The following MORN1 variants were observed in gnomAD, a reference collection of about 807,000 sequenced individuals.
MORN1 encodes MORN repeat-containing protein 1.
A neutral mutation model predicts 61.9 loss-of-function variants in MORN1; 67 were observed. The ratio of observed to expected loss-of-function variants is 1.08; its 90% CI spans 0.89 to 1.33. The LOEUF is 1.33. Among genes scored for constraint, MORN1 ranks in the 40% most tolerant of loss-of-function variants. The pLI is 0.00. For missense variants in MORN1, 752 were observed against 691.2 expected (o/e 1.09, Z -0.99); for synonymous variants, 301 against 292.0 (o/e 1.03, Z -0.31).
chr1:2,362,058 C>G (rs1006360954), intron 8 of MORN1, among the ~76,000 whole-genome samples: 5 of 152,170 alleles, frequency 3.3e-5, no homozygotes, highest in Admixed American at 2.0e-4. Context: ...ATGGTGAAAC[C>G]CCGTCTCTAC....
chr1:2,391,102 T>G lies in MORN1; in HGVS notation c.76+356A>C, dbSNP rs185131666. ...AAGTCAGGAGGCTTGGTGCTGCTCC[T>G]GCGCCTGCCCTCGCCCCAAGTCCTG... On this transcript the variant is annotated intron_variant, in intron 1 of 13. Coordinates refer to ENST00000378531, the MANE Select transcript of MORN1 (RefSeq NM_024848.3). Among the ~76,000 whole-genome samples, 6 of 152,332 alleles carry G rather than the reference T, an allele frequency of 3.9e-5. No individual in the cohort carries two copies. The East Asian group carries it at 1.2e-3, about 29-fold the overall frequency.
chr1:2,322,672 G>C (rs1640909146), intron 13 of MORN1: 3 of 985,482 alleles, frequency 3.0e-6, no homozygotes, highest in Non-Finnish European at 2.4e-6. Context: ...GGCGGAGGAA[G>C]AGCCCCACAT....
intron 8 of MORN1, among the ~76,000 whole-genome samples, chr1:2,368,200 G>T (rs1403186098): frequency 6.6e-6 from 1 of 152,242 alleles, no homozygotes; most frequent in African/African-American, 2.4e-5. Flanking sequence ...TTGATGCAGA[G>T]CAGGTGAGCT....
At chr1:2,351,654 G>A (rs2100291122) in intron 10 of MORN1, 1 of 356,430 alleles carries the variant, frequency 2.8e-6, no homozygotes, top group South Asian at 2.6e-5. Context: ...AGAAGCGGAG[G>A]GGCCCGAAAC....
At chr1:2,382,962 A>G (rs1484367773) in intron 6 of MORN1, among the ~76,000 whole-genome samples, 2 of 151,902 alleles carry the variant, frequency 1.3e-5, no homozygotes, top group Non-Finnish European at 2.9e-5. Flanking sequence ...GCCACACTGC[A>G]CCTCCCGCCT....
At chr1:2,370,632 G>A (rs1328250022) in intron 8 of MORN1, among the ~76,000 whole-genome samples, 2 of 151,872 alleles carry the variant, frequency 1.3e-5, no homozygotes, top group Non-Finnish European at 1.5e-5. Flanking sequence ...GAACTCTATA[G>A]CTAAAAATAA....
intron 12 of MORN1, 86 bp downstream of exon 12, chr1:2,336,383 G>C: frequency 7.2e-7 from 1 of 1,387,172 alleles, no homozygotes; most frequent in South Asian, 1.3e-5. Flanking sequence ...TGGCTCCCCT[G>C]GGCCTTCCCC....
intron 10 of MORN1, among the ~76,000 whole-genome samples, chr1:2,350,083 T>A (rs1374392752): frequency 6.6e-6 from 1 of 152,116 alleles, no homozygotes; most frequent in Admixed American, 6.5e-5. Context: ...GGCACCCCAC[T>A]GACAACAAGG....
chr1:2,322,684 G>T, intron 13 of MORN1: 9 of 985,470 alleles, frequency 9.1e-6, no homozygotes, highest in Non-Finnish European at 1.1e-5. Context: ...GCCCCACATG[G>T]CAACGCCACA....
At chr1:2,342,342 C>T (rs993077140) in intron 10 of MORN1, among the ~76,000 whole-genome samples, 10 of 152,382 alleles carry the variant, frequency 6.6e-5, no homozygotes, top group South Asian at 2.1e-4. Context: ...AGAATAGCCG[C>T]GGCAGGCGCA....
intron 12 of MORN1, 134 bp from the exon 13 acceptor site, chr1:2,324,277 A>C: frequency 1.2e-6 from 1 of 854,346 alleles, no homozygotes; most frequent in Non-Finnish European, 1.8e-6. Flanking sequence ...TGCGAACCCC[A>C]CCTCGGGGCC....
Position 2,337,180 on chromosome 1 carries a change from T to G in MORN1, c.1037-330A>C, listed in dbSNP as rs1026380142. ...GCCCCCGTCAGCCGAGGCACTCGCT[T>G]CCAGGGTAGGGCCGGGACCGGGGCC... On this transcript the variant is annotated intron_variant, in intron 10 of 13. Coordinates refer to ENST00000378531, the MANE Select transcript of MORN1 (RefSeq NM_024848.3). This position sits in a 1 kb window ranked among gnomAD's most constrained non-coding sequence, Gnocchi z 5.7. 2.0e-5 allele frequency among the ~76,000 whole-genome samples: 3 copies of G among 152,148 alleles called. No homozygotes were observed. Among genetic ancestry groups the G allele is most frequent in the African/African-American group, 7.2e-5 (3 of 41,430 alleles).
rs530327955 is a variant in MORN1 at position 2,335,372 on chromosome 1, C to A, written c.1250+1097G>T. On this transcript the variant is annotated intron_variant, in intron 12 of 13. Coordinates refer to ENST00000378531, the MANE Select transcript of MORN1 (RefSeq NM_024848.3). Reference sequence around the variant, plus strand: ...GCACACTCACACTCACACTCACGTCCGCTTCTGTTTGCCGGATGGGCAGAG... The same window carrying A: ...GCACACTCACACTCACACTCACGTCAGCTTCTGTTTGCCGGATGGGCAGAG... Among the ~76,000 whole-genome samples, 21 of 152,324 alleles carry A rather than the reference C, an allele frequency of 1.4e-4. No homozygotes were observed. In the South Asian group the frequency reaches 3.9e-3, roughly 29 times the overall value.
chr1:2,381,220 C>T (rs889045562), intron 6 of MORN1, among the ~76,000 whole-genome samples: 12 of 152,266 alleles, frequency 7.9e-5, no homozygotes, highest in African/African-American at 2.2e-4. Context: ...GCGTGGGAGG[C>T]GGCCCCGGCC....
At chr1:2,374,344 T>G in intron 7 of MORN1, 117 bp downstream of exon 7, 1 of 795,460 alleles carries the variant, frequency 1.3e-6, no homozygotes, top group Non-Finnish European at 2.1e-6. Context: ...ATATTCCACT[T>G]TGCCCCACCC....
At chr1:2,375,023 T>C (rs1484495099) in intron 6 of MORN1, 2 of 153,118 alleles carry the variant, frequency 1.3e-5, no homozygotes, top group Non-Finnish European at 2.9e-5. Context: ...AAAAACACAG[T>C]TTGAAAAAAT....
At chr1:2,336,589 A>G (rs1192603863) in intron 11 of MORN1, 41 bp from the exon 12 acceptor site, 2 of 1,609,526 alleles carry the variant, frequency 1.2e-6, no homozygotes, top group African/African-American at 2.7e-5. Flanking sequence ...GGAAAGGCTC[A>G]GAAGGTGGGC....
chr1:2,357,640 C>G lies in MORN1; in HGVS notation c.870-42G>C. The G allele has an allele frequency of 4.5e-6, 7 of 1,544,826 alleles. No homozygotes were observed. The highest frequency in any genetic ancestry group is 6.1e-6 in the Non-Finnish European group (7 of 1,141,214). The stretch of plus-strand genomic sequence containing the variant: ...GCAGCTTGGCTCTACTCACCCCACA[C>G]CAAACTAGGGTGCAGGCAGACAGCG... On this transcript the variant is annotated intron_variant, in intron 9 of 13. Coordinates refer to ENST00000378531, the MANE Select transcript of MORN1 (RefSeq NM_024848.3). This position sits in a 1 kb window ranked among gnomAD's most constrained non-coding sequence, Gnocchi z 6.3.
chr1:2,358,845 C>G (rs1641832431), intron 8 of MORN1, 130 bp from the exon 9 acceptor site: 2 of 1,198,420 alleles, frequency 1.7e-6, no homozygotes, highest in East Asian at 5.1e-5. Context: ...GGCTGTGACC[C>G]TGGTGGGCTG....
Sources: gnomAD v4.1 joint callset for allele counts (sites outside exome capture counted in the v4.1 genomes callset) on GRCh38, gnomAD v4.1.1 for gene constraint, Gnocchi (gnomAD v3.1) non-coding constraint, MANE v1.5 for transcripts, NCBI Gene and HGNC (gene_info 2026-07-23, HGNC 2026-07-21) for gene names.